Variants in REC114 observed in about 807,000 individuals in gnomAD.
REC114 encodes the protein REC114 meiotic recombination protein, also known as meiotic recombination protein REC114.
A neutral mutation model predicts 31.3 loss-of-function variants in REC114; 27 were observed. That is an observed-to-expected ratio of 0.86 (90% CI 0.64 to 1.19). The LOEUF (loss-of-function observed/expected upper bound fraction) is 1.19. Ranked by LOEUF, REC114 falls within the 50% of genes most tolerant of loss-of-function variation. The pLI, the probability that REC114 is intolerant of heterozygous loss-of-function variation, is 0.00. For synonymous variants in REC114, 134 were observed against 127.7 expected, an observed-to-expected ratio of 1.05 and a Z score of -0.33; for missense variants, 344 against 326.9, an observed-to-expected ratio of 1.05 and a Z score of -0.40.
intron 2 of REC114, among the ~76,000 whole-genome samples, chr15:73,527,882 C>T (rs1363391267): frequency 2.6e-5 from 4 of 151,536 alleles, no homozygotes; most frequent in South Asian, 4.2e-4. Flanking sequence ...GTTATCTATA[C>T]GGGGGGGAAA....
At chr15:73,502,234 A>G (rs572411872) in intron 2 of REC114, among the ~76,000 whole-genome samples, 1 of 152,256 alleles carries the variant, frequency 6.6e-6, no homozygotes, top group Admixed American at 6.5e-5. Flanking sequence ...TCTTCATATC[A>G]TTGTTAAATA....
chr15:73,464,933 C>T (rs1203669994), intron 1 of REC114, among the ~76,000 whole-genome samples: 1 of 151,972 alleles, frequency 6.6e-6, no homozygotes, highest in African/African-American at 2.4e-5. Flanking sequence ...ACTGTGTTGC[C>T]CAGTCTGGAG....
intron 2 of REC114, among the ~76,000 whole-genome samples, chr15:73,540,195 A>G (rs1894219294): frequency 6.6e-6 from 1 of 152,174 alleles, no homozygotes; most frequent in Admixed American, 6.5e-5. Context: ...AAGGCATTTT[A>G]TATCAAATAT....
chr15:73,451,259 G>A (rs546000086), intron 1 of REC114, among the ~76,000 whole-genome samples: 86 of 152,226 alleles, frequency 5.6e-4, no homozygotes, highest in African/African-American at 2.0e-3. Flanking sequence ...AGCAAAAGGA[G>A]TAGAATTAAA....
At chr15:73,492,337 G>A (rs756529313) in intron 2 of REC114, among the ~76,000 whole-genome samples, 3 of 152,028 alleles carry the variant, frequency 2.0e-5, no homozygotes, top group Non-Finnish European at 4.4e-5. Flanking sequence ...TGGGACTTGT[G>A]CAAAATGAGA....
chr15:73,521,888 A>G (rs562902825), intron 2 of REC114, among the ~76,000 whole-genome samples: 12 of 152,204 alleles, frequency 7.9e-5, no homozygotes, highest in African/African-American at 2.4e-4. Flanking sequence ...TCAGATGTTT[A>G]AGGAAGAACT....
intron 2 of REC114, among the ~76,000 whole-genome samples, chr15:73,516,818 G>T (rs1156282011): frequency 6.6e-6 from 1 of 152,112 alleles, no homozygotes; most frequent in African/African-American, 2.4e-5. Flanking sequence ...GTAGAGATGG[G>T]GTTTTACCAT....
intron 1 of REC114, among the ~76,000 whole-genome samples, chr15:73,446,659 A>G (rs1474079503): frequency 1.3e-5 from 2 of 151,934 alleles, no homozygotes; most frequent in African/African-American, 4.8e-5. Flanking sequence ...AAAAATTCCC[A>G]CAACATGTAC....
intron 2 of REC114, 35 bp from the exon 3 acceptor site, chr15:73,540,450 T>A (rs1309464620): frequency 6.8e-7 from 1 of 1,479,888 alleles, no homozygotes; most frequent in Non-Finnish European, 9.5e-7. Flanking sequence ...CATATTTTTG[T>A]TTCTGTTGCT....
At chr15:73,457,345 T>C (rs1892930798) in intron 1 of REC114, among the ~76,000 whole-genome samples, 1 of 152,168 alleles carries the variant, frequency 6.6e-6, no homozygotes, top group South Asian at 2.1e-4. Context: ...CTTACGCATA[T>C]ATATATGTTG....
intron 1 of REC114, among the ~76,000 whole-genome samples, chr15:73,454,126 CACAA>C (rs1875326031): frequency 6.6e-6 from 1 of 151,666 alleles, no homozygotes; most frequent in Non-Finnish European, 1.5e-5. Context: ...ATAAAGAAAA[CACAA>C]ACAAAAATAA....
Position 73,550,937 on chromosome 15 carries a change from G to T in REC114, c.334-1G>T, listed in dbSNP as rs780169159. On this transcript the variant is annotated splice_acceptor_variant, in intron 3 of 5. Coordinates refer to ENST00000331090, the MANE Select transcript of REC114 (RefSeq NM_001042367.2). LOFTEE classifies it high-confidence loss of function. ...ATGATAACTTTTGATTTGTCAAACA[G>T]GACAAGAGTCGCCTGTTTCGAGTAC... The T allele has an allele frequency of 1.2e-6, 2 of 1,613,642 alleles. No individual in the cohort carries two copies. Among genetic ancestry groups the T allele is most frequent in the Non-Finnish European group, 1.7e-6 (2 of 1,179,776 alleles).
chr15:73,499,124 G>T (rs73444110), intron 2 of REC114, among the ~76,000 whole-genome samples: 2 of 151,906 alleles, frequency 1.3e-5, no homozygotes, highest in South Asian at 2.1e-4. Context: ...AATGGCAAGC[G>T]CATTGGACAC....
chr15:73,457,269 G>T (rs1259201437), intron 1 of REC114, among the ~76,000 whole-genome samples: 1 of 152,062 alleles, frequency 6.6e-6, no homozygotes, highest in Admixed American at 6.5e-5. Context: ...CCTGTCCTGT[G>T]TGAGCTCTGG....
chr15:73,470,438 T>A (rs1893118444), intron 1 of REC114, among the ~76,000 whole-genome samples: 1 of 152,212 alleles, frequency 6.6e-6, no homozygotes, highest in Non-Finnish European at 1.5e-5. Flanking sequence ...TCAGTGCAGA[T>A]CTGCTGGTGA....
rs548080555 is a variant in REC114 at position 73,492,188 on chromosome 15, A to G, written c.249+18267A>G. Among the ~76,000 whole-genome samples, 4 of 152,298 alleles carry G rather than the reference A, an allele frequency of 2.6e-5. No individual in the cohort carries two copies. In the South Asian group the frequency reaches 8.3e-4, roughly 32 times the overall value. ...GTGACTACTACACACCCCACTCCGC[A>G]AAGACTAACCACCATCTGACTTCTA... On this transcript the variant is annotated intron_variant, in intron 2 of 5. Coordinates refer to ENST00000331090, the MANE Select transcript of REC114 (RefSeq NM_001042367.2).
chr15:73,522,275 T>TA (rs1376845753), intron 2 of REC114, among the ~76,000 whole-genome samples: 1 of 152,198 alleles, frequency 6.6e-6, no homozygotes, highest in Non-Finnish European at 1.5e-5. Flanking sequence ...CTCAGTAACT[T>TA]ACACTTGTCC....
intron 2 of REC114, among the ~76,000 whole-genome samples, chr15:73,488,108 A>G (rs537923430): frequency 6.6e-6 from 1 of 152,286 alleles, no homozygotes; most frequent in African/African-American, 2.4e-5. Context: ...CAGAGACTTG[A>G]GGCAGCCTGG....
intron 2 of REC114, among the ~76,000 whole-genome samples, chr15:73,509,390 T>C (rs904341808): frequency 6.6e-6 from 1 of 150,690 alleles, no homozygotes; most frequent in Admixed American, 6.6e-5. Flanking sequence ...ATTTTGTAGG[T>C]TGCCTGTTCA....
Sources: allele counts gnomAD v4.1 joint callset (sites outside exome capture counted in the v4.1 genomes callset), GRCh38; gene constraint gnomAD v4.1.1; transcripts MANE v1.5; gene names NCBI Gene and HGNC (gene_info 2026-07-23, HGNC 2026-07-21).